OGDH: variants seen among roughly 807,000 people sequenced by gnomAD.
The protein encoded by OGDH is 2-oxoglutarate dehydrogenase complex component E1.
Under a neutral mutation model 116.6 loss-of-function variants are expected in OGDH, and 38 were observed. That is an observed-to-expected ratio of 0.33 (90% CI 0.25 to 0.43). The LOEUF (loss-of-function observed/expected upper bound fraction) is 0.43, where lower values mean the gene tolerates loss of function less well. Among genes scored for constraint, OGDH ranks in the 20% least tolerant of loss-of-function variants. The pLI is 1.00. For missense variants in OGDH, 825 were observed against 1,357.2 expected (o/e 0.61, Z 6.16); for synonymous variants, 488 against 533.3 (o/e 0.92, Z 1.17).
rs758314525 is a variant in OGDH at position 44,696,404 on chromosome 7, G to T, written c.1772-25G>T. 1.9e-6 allele frequency: 3 copies of T among 1,605,222 alleles called. No homozygotes were observed. In the Admixed American group the frequency reaches 5.2e-5, roughly 28 times the overall value. On this transcript the variant is annotated intron_variant, in intron 13 of 22. Transcript: ENST00000222673. ...CCTGGAAAAGTAGAGCAGATGTCATGCCTCAGTTGTTCTTCTTCTCCTAGG... is the reference window on the plus strand; with the variant it reads ...CCTGGAAAAGTAGAGCAGATGTCATTCCTCAGTTGTTCTTCTTCTCCTAGG...
chr7:44,670,272 A>G (rs1419373499), intron 5 of OGDH, among the ~76,000 whole-genome samples: 1 of 152,220 alleles, frequency 6.6e-6, no homozygotes, highest in Non-Finnish European at 1.5e-5. Flanking sequence ...AGGCATGGGC[A>G]GAGCCTGGGT....
intron 20 of OGDH, among the ~76,000 whole-genome samples, chr7:44,704,728 C>T (rs543274236): frequency 2.0e-5 from 3 of 150,862 alleles, no homozygotes; most frequent in South Asian, 2.1e-4. Flanking sequence ...TGTTTTTTTC[C>T]GAGATGGAGT....
chr7:44,661,093 A>G (rs1371678255), intron 4 of OGDH, among the ~76,000 whole-genome samples: 1 of 152,140 alleles, frequency 6.6e-6, no homozygotes, highest in Non-Finnish European at 1.5e-5. Context: ...TTCTCCTTTT[A>G]GTCCTATCAG....
rs1784825127 is a variant in OGDH at position 44,616,880 on chromosome 7, T to C, written c.-27-7437T>C. ...ATACACATATATATATACGTATATA[T>C]ATATGTATATATGTGAGCCGAGATC... On this transcript the variant is annotated intron_variant, in intron 1 of 22. Coordinates refer to ENST00000222673, the MANE Select transcript of OGDH (RefSeq NM_002541.4). Among the ~76,000 whole-genome samples the C allele has an allele frequency of 2.2e-5, 3 of 138,808 alleles. No homozygotes were observed. The South Asian group carries it at 6.6e-4, about 30-fold the overall frequency. 91.1% of individuals were successfully genotyped at this position (138,808 alleles called of 152,430 possible). A position where few individuals can be genotyped will look rare whatever the true frequency, so the allele number is the denominator to read the frequency against.
At chr7:44,687,997 T>C (rs1467869584) in intron 10 of OGDH, among the ~76,000 whole-genome samples, 3 of 152,316 alleles carry the variant, frequency 2.0e-5, no homozygotes, top group Non-Finnish European at 2.9e-5. Flanking sequence ...GTAAAGTTCA[T>C]ATTAATTGAA....
chr7:44,699,381 C>T (rs59534153), intron 18 of OGDH, among the ~76,000 whole-genome samples: 13,656 of 142,682 alleles, frequency 0.096, 1,296 homozygotes, highest in East Asian at 0.36. Flanking sequence ...GCCAAGATTG[C>T]GCCACTGCAC....
At chr7:44,613,887 A>G (rs1784665835) in intron 1 of OGDH, among the ~76,000 whole-genome samples, 1 of 144,044 alleles carries the variant, frequency 6.9e-6, no homozygotes, top group Non-Finnish European at 1.5e-5. Context: ...GCTCACTGCA[A>G]CCTCCACCTC....
intron 2 of OGDH, among the ~76,000 whole-genome samples, chr7:44,637,931 C>G (rs1443685562): frequency 6.6e-6 from 1 of 152,208 alleles, no homozygotes; most frequent in Non-Finnish European, 1.5e-5. Context: ...CCCATAGCCC[C>G]TTGCAGGGCT....
At chr7:44,683,830 G>A (rs1457051990) in intron 10 of OGDH, among the ~76,000 whole-genome samples, 3 of 152,116 alleles carry the variant, frequency 2.0e-5, no homozygotes, top group African/African-American at 2.4e-5. Flanking sequence ...TCCACCAGCC[G>A]TAGCTAAGGG....
chr7:44,609,872 T>C (rs546273044), intron 1 of OGDH, among the ~76,000 whole-genome samples: 1 of 152,380 alleles, frequency 6.6e-6, no homozygotes, highest in Admixed American at 6.5e-5. Flanking sequence ...TTTTTTATTA[T>C]AGCCATTCCA....
intron 4 of OGDH, among the ~76,000 whole-genome samples, chr7:44,659,058 G>A (rs1214368610): frequency 6.6e-6 from 1 of 152,028 alleles, no homozygotes; most frequent in African/African-American, 2.4e-5. Flanking sequence ...GGCTGGTCTA[G>A]AACTCCCGAC....
In OGDH at chr7:44,697,588, C is replaced by T. The variant is rs780786450; in HGVS notation, c.2180-16C>T. The T allele has an allele frequency of 1.3e-5, 21 of 1,614,086 alleles. No homozygotes were observed. Among genetic ancestry groups the T allele is most frequent in the Non-Finnish European group, 1.7e-5 (20 of 1,180,030 alleles). On this transcript the variant is annotated splice_polypyrimidine_tract_variant and intron_variant, in intron 16 of 22. Transcript: ENST00000222673. This position sits in a 1 kb window ranked among gnomAD's most constrained non-coding sequence, Gnocchi z 6.0. ...GTGTCCTGGACATGGTTTTCTCCTT[C>T]CTTTGTCCCTTGTAGGCTTTGAGCT...
At chr7:44,630,249 C>T (rs2115559171) in intron 2 of OGDH, among the ~76,000 whole-genome samples, 1 of 152,312 alleles carries the variant, frequency 6.6e-6, no homozygotes, top group South Asian at 2.1e-4. Flanking sequence ...GCCTGGGGTT[C>T]CTCCCATGGC....
At position 44,694,398 on chromosome 7, in the gene OGDH, T is replaced by C. The variant is rs1321427328; in HGVS notation, c.1516-26T>C. On this transcript the variant is annotated intron_variant, in intron 11 of 22. Coordinates refer to ENST00000222673, the MANE Select transcript of OGDH (RefSeq NM_002541.4). The surrounding 1 kb of genome is among the most constrained non-coding windows in gnomAD (Gnocchi z 4.2). ...TTCCCAAGGGGCCAGCCCTTGTCTC[T>C]GACATCCTCTCACTGCTCTGAGCAG... is the stretch of plus-strand genomic sequence containing the variant. 2.5e-6 allele frequency: 4 copies of C among 1,612,342 alleles called. No homozygotes were observed. Among genetic ancestry groups the C allele is most frequent in the Non-Finnish European group, 3.4e-6 (4 of 1,179,248 alleles).
At chr7:44,627,385 A>G (rs1785249481) in intron 2 of OGDH, among the ~76,000 whole-genome samples, 1 of 152,264 alleles carries the variant, frequency 6.6e-6, no homozygotes, top group Admixed American at 6.5e-5. Context: ...CCATAGCCTT[A>G]GAGGCATTTC....
chr7:44,631,016 C>T (rs1242419941), intron 2 of OGDH, among the ~76,000 whole-genome samples: 6 of 152,142 alleles, frequency 3.9e-5, no homozygotes, highest in South Asian at 2.1e-4. Flanking sequence ...GCTCGCTTGC[C>T]GCTCACTTCC....
chr7:44,677,878 G>GAA (rs777625844), intron 9 of OGDH, among the ~76,000 whole-genome samples: 1 of 88,004 alleles, frequency 1.1e-5, no homozygotes, highest in Non-Finnish European at 2.4e-5. Flanking sequence ...CTTCTCAAAG[G>GAA]AAAAAAAAAA....
intron 5 of OGDH, among the ~76,000 whole-genome samples, chr7:44,668,572 G>A (rs559935351): frequency 6.6e-6 from 1 of 152,316 alleles, no homozygotes; most frequent in Non-Finnish European, 1.5e-5. Flanking sequence ...GGAGAAAGGG[G>A]TAGAAACCAG....
intron 20 of OGDH, among the ~76,000 whole-genome samples, chr7:44,702,478 C>G (rs1788876994): frequency 1.3e-5 from 2 of 152,222 alleles, no homozygotes; most frequent in Non-Finnish European, 2.9e-5. Context: ...GTCACCAGGC[C>G]AGGAAGCCTG....
Sources: gnomAD v4.1 joint callset for allele counts (sites outside exome capture counted in the v4.1 genomes callset) on GRCh38, gnomAD v4.1.1 for gene constraint, Gnocchi (gnomAD v3.1) non-coding constraint, MANE v1.5 for transcripts, NCBI Gene and HGNC (gene_info 2026-07-23, HGNC 2026-07-21) for gene names.